Variants in XPR1 observed in about 807,000 individuals in gnomAD.
XPR1 encodes xenotropic and polytropic retrovirus receptor 1, also known as solute carrier family 53 member 1.
Under a neutral mutation model 87.5 loss-of-function variants are expected in XPR1, and 28 were observed. The observed-to-expected ratio is 0.32, with a 90% CI of 0.24 to 0.44. The LOEUF (loss-of-function observed/expected upper bound fraction) is 0.44. XPR1 is among the 20% of genes least tolerant of loss of function. The pLI is 1.00. For missense variants in XPR1, 559 were observed against 862.3 expected, an observed-to-expected ratio of 0.65 and a Z score of 4.41; for synonymous variants, 300 against 306.1, an observed-to-expected ratio of 0.98 and a Z score of 0.21.
intron 1 of XPR1, among the ~76,000 whole-genome samples, chr1:180,632,683 A>C (rs1388378673): frequency 6.6e-6 from 1 of 152,196 alleles, no homozygotes; most frequent in Non-Finnish European, 1.5e-5. Flanking sequence ...CCCCCTCGCC[A>C]AGGTTAGGTC....
At chr1:180,696,905 T>G (rs955414454) in intron 2 of XPR1, among the ~76,000 whole-genome samples, 14 of 152,166 alleles carry the variant, frequency 9.2e-5, no homozygotes, top group African/African-American at 3.1e-4. Flanking sequence ...TTGTTGAGGA[T>G]TTTTGCTTCT....
At chr1:180,850,961 TAA>T (rs34627089) in intron 11 of XPR1, among the ~76,000 whole-genome samples, 7,706 of 139,248 alleles carry the variant, frequency 0.055, 568 homozygotes, top group African/African-American at 0.17. Context: ...CCTGTGTCTT[TAA>T]AAAAAAAAAA....
chr1:180,831,367 T>TC (rs1553252335), intron 9 of XPR1, among the ~76,000 whole-genome samples: 3,920 of 135,178 alleles, frequency 0.029, 164 homozygotes, highest in African/African-American at 0.098. Flanking sequence ...TTTTTCTTTT[T>TC]TTTTTTTTTT....
At chr1:180,788,486 A>T (rs1464976120) in intron 3 of XPR1, among the ~76,000 whole-genome samples, 8 of 152,184 alleles carry the variant, frequency 5.3e-5, no homozygotes, top group African/African-American at 1.9e-4. Context: ...GTTAATAATC[A>T]GATAGTTTCA....
chr1:180,813,377 T>A (rs1449062792), intron 7 of XPR1, among the ~76,000 whole-genome samples: 1 of 152,232 alleles, frequency 6.6e-6, no homozygotes, highest in East Asian at 1.9e-4. Flanking sequence ...AAGCGTTCCC[T>A]GATCACCCAA....
intron 2 of XPR1, among the ~76,000 whole-genome samples, chr1:180,779,711 AGAG>A: frequency 6.7e-6 from 1 of 148,596 alleles, no homozygotes; most frequent in Non-Finnish European, 1.5e-5. Context: ...GGGGAGGGGG[AGAG>A]GGAGAGGGAG....
chr1:180,859,178 C>T (rs1238744640), intron 11 of XPR1, among the ~76,000 whole-genome samples: 2 of 106,988 alleles, frequency 1.9e-5, no homozygotes, highest in Non-Finnish European at 4.1e-5. Flanking sequence ...TAGTACTTTT[C>T]CTTCTCTCTT....
At chr1:180,815,169 G>A (rs1313955834) in intron 7 of XPR1, among the ~76,000 whole-genome samples, 1 of 151,564 alleles carries the variant, frequency 6.6e-6, no homozygotes, top group Non-Finnish European at 1.5e-5. Flanking sequence ...TGAGCATGGT[G>A]GTATTATCAT....
intron 2 of XPR1, among the ~76,000 whole-genome samples, chr1:180,685,462 C>T (rs999423533): frequency 1.6e-4 from 25 of 152,010 alleles, no homozygotes; most frequent in African/African-American, 5.8e-4. Flanking sequence ...TTTGTTGTGT[C>T]TCTGCCAGGC....
At position 180,811,288 on chromosome 1, in the gene XPR1, A is replaced by G. The variant is rs901787368; in HGVS notation, c.682-119A>G. The G allele has an allele frequency of 2.9e-5, 24 of 818,964 alleles. 1 individual carries two copies. In the South Asian group the frequency reaches 4.2e-4, roughly 14 times the overall value. 50.7% of individuals were successfully genotyped at this position (818,964 alleles called of 1,614,324 possible). A position where few individuals can be genotyped will look rare whatever the true frequency, so the allele number is the denominator to read the frequency against. On this transcript the variant is annotated intron_variant, in intron 6 of 14. Coordinates refer to ENST00000367590, the MANE Select transcript of XPR1 (RefSeq NM_004736.4). ...CTGGTTCAGATTTATAAAAATTTAG[A>G]ACATTAAATATTATTTTCATGGTAG...
intron 5 of XPR1, 36 bp from the exon 6 acceptor site, chr1:180,806,438 A>G (rs766448752): frequency 1.2e-6 from 2 of 1,607,180 alleles, no homozygotes. Context: ...CAAGTTTAGT[A>G]TAACCTAACC....
At chr1:180,779,227 A>C (rs951063826) in intron 2 of XPR1, among the ~76,000 whole-genome samples, 9 of 151,914 alleles carry the variant, frequency 5.9e-5, no homozygotes, top group Middle Eastern at 3.2e-3. Flanking sequence ...TCATCACCCT[A>C]TTTGTTGTCT....
chr1:180,716,587 A>G (rs747576635), intron 2 of XPR1, among the ~76,000 whole-genome samples: 3 of 152,174 alleles, frequency 2.0e-5, no homozygotes, highest in Non-Finnish European at 2.9e-5. Flanking sequence ...TGTCTCTGCT[A>G]AAATCTCTGT....
At chr1:180,692,837 G>T (rs2101959398) in intron 2 of XPR1, among the ~76,000 whole-genome samples, 1 of 152,170 alleles carries the variant, frequency 6.6e-6, no homozygotes, top group East Asian at 1.9e-4. Flanking sequence ...ATAATTTTTA[G>T]TAGCATACAG....
At chr1:180,883,947 G>C (rs990598552) in intron 14 of XPR1, 59 bp from the exon 15 acceptor site, 27 of 1,481,356 alleles carry the variant, frequency 1.8e-5, no homozygotes, top group Middle Eastern at 1.7e-4. Flanking sequence ...CTAATACTGT[G>C]AAAGTGTTTA....
chr1:180,744,666 T>TTTTTTTTTTTTTTTC (rs1659028373), intron 2 of XPR1, among the ~76,000 whole-genome samples: 1 of 145,982 alleles, frequency 6.9e-6, no homozygotes. Context: ...TTTTTTTTTT[T>TTTTTTTTTTTTTTTC]TTGAGACAGA....
intron 2 of XPR1, among the ~76,000 whole-genome samples, chr1:180,779,705 AGGG>A: frequency 6.6e-6 from 1 of 151,524 alleles, no homozygotes; most frequent in Non-Finnish European, 1.5e-5. Context: ...AAAGAGGGGG[AGGG>A]GGAGAGGGAG....
chr1:180,733,633 GA>G (rs1410477944), intron 2 of XPR1, among the ~76,000 whole-genome samples: 3 of 152,196 alleles, frequency 2.0e-5, no homozygotes, highest in African/African-American at 7.2e-5. Context: ...TAATAATCTA[GA>G]AAGAAGTAAA....
chr1:180,779,328 G>A (rs1020598408), intron 2 of XPR1, among the ~76,000 whole-genome samples: 3 of 152,056 alleles, frequency 2.0e-5, no homozygotes, highest in African/African-American at 7.2e-5. Flanking sequence ...GTGAGGGCAG[G>A]ACCTACATTT....
Sources: allele counts gnomAD v4.1 joint callset (sites outside exome capture counted in the v4.1 genomes callset), GRCh38; gene constraint gnomAD v4.1.1; transcripts MANE v1.5; gene names NCBI Gene and HGNC (gene_info 2026-07-23, HGNC 2026-07-21).